Variants in TBC1D22A observed in about 807,000 individuals in gnomAD.
The protein encoded by TBC1D22A is putative GTPase activator.
A neutral mutation model predicts 60.2 loss-of-function variants in TBC1D22A; 38 were observed. The ratio of observed to expected loss-of-function variants is 0.63; its 90% CI spans 0.49 to 0.83. TBC1D22A has a LOEUF of 0.83. TBC1D22A is among the 40% of genes least tolerant of loss of function. The pLI is 0.00. For missense variants in TBC1D22A, 628 were observed against 701.0 expected (o/e 0.90, Z 1.18); for synonymous variants, 302 against 281.7 (o/e 1.07, Z -0.72).
intron 11 of TBC1D22A, among the ~76,000 whole-genome samples, chr22:47,097,359 T>C (rs1048817624): frequency 2.0e-5 from 3 of 152,206 alleles, no homozygotes; most frequent in African/African-American, 7.2e-5. Context: ...CTCATGCCTG[T>C]AATCCCAGCA....
chr22:47,163,881 G>A (rs1017067848), intron 12 of TBC1D22A, among the ~76,000 whole-genome samples: 5 of 152,218 alleles, frequency 3.3e-5, no homozygotes, highest in African/African-American at 1.2e-4. Context: ...CCAGTGGGTC[G>A]CCTGTCCCAG....
intron 1 of TBC1D22A, among the ~76,000 whole-genome samples, chr22:46,792,279 G>A (rs1046409448): frequency 3.3e-5 from 5 of 152,110 alleles, no homozygotes; most frequent in African/African-American, 1.2e-4. Context: ...CCATTCTCAG[G>A]GATGGGCTGA....
chr22:47,040,230 C>G (rs1295136285), intron 11 of TBC1D22A, among the ~76,000 whole-genome samples: 1 of 152,132 alleles, frequency 6.6e-6, no homozygotes, highest in Non-Finnish European at 1.5e-5. Flanking sequence ...CAGGTGTGAG[C>G]CACCACGCCT....
At chr22:47,052,057 G>A (rs1410822615) in intron 11 of TBC1D22A, among the ~76,000 whole-genome samples, 1 of 145,808 alleles carries the variant, frequency 6.9e-6, no homozygotes, top group Non-Finnish European at 1.5e-5. Context: ...GGCAGGGTGG[G>A]GCAGGCTCTC....
At chr22:47,001,493 A>G (rs925784550) in intron 10 of TBC1D22A, among the ~76,000 whole-genome samples, 1 of 150,680 alleles carries the variant, frequency 6.6e-6, no homozygotes, top group Admixed American at 6.6e-5. Context: ...TTTTGTGACC[A>G]GAAATATGCC....
intron 8 of TBC1D22A, among the ~76,000 whole-genome samples, chr22:46,962,390 A>G (rs1346524879): frequency 6.6e-6 from 1 of 152,230 alleles, no homozygotes; most frequent in Non-Finnish European, 1.5e-5. Flanking sequence ...GAGGTGGATG[A>G]TCTTAGGCCC....
At chr22:47,078,102 G>A (rs188923830) in intron 11 of TBC1D22A, among the ~76,000 whole-genome samples, 2 of 152,260 alleles carry the variant, frequency 1.3e-5, no homozygotes, top group African/African-American at 4.8e-5. Context: ...GCCCATCCAC[G>A]GAGTTGCTGT....
intron 11 of TBC1D22A, among the ~76,000 whole-genome samples, chr22:47,050,608 C>A (rs962687873): frequency 5.9e-5 from 9 of 152,220 alleles, no homozygotes; most frequent in Non-Finnish European, 8.8e-5. Flanking sequence ...GCCGCTTGGG[C>A]CCTGACTCTA....
intron 12 of TBC1D22A, among the ~76,000 whole-genome samples, chr22:47,121,621 C>T (rs2066273489): frequency 6.6e-6 from 1 of 151,990 alleles, no homozygotes; most frequent in African/African-American, 2.4e-5. Flanking sequence ...CACGCGTGGA[C>T]AGAAAGACCG....
intron 11 of TBC1D22A, among the ~76,000 whole-genome samples, chr22:47,049,152 T>C (rs983220720): frequency 6.6e-6 from 1 of 152,174 alleles, no homozygotes; most frequent in Non-Finnish European, 1.5e-5. Flanking sequence ...CGGGTACACG[T>C]TGTGCTCTTC....
intron 4 of TBC1D22A, among the ~76,000 whole-genome samples, chr22:46,819,552 T>A (rs1089347): frequency 1.3e-5 from 2 of 152,186 alleles, no homozygotes; most frequent in Admixed American, 1.3e-4. Flanking sequence ...TTGATTTGCA[T>A]ATGTTGAACC....
At chr22:47,064,269 G>C (rs2063683919) in intron 11 of TBC1D22A, among the ~76,000 whole-genome samples, 1 of 152,258 alleles carries the variant, frequency 6.6e-6, no homozygotes, top group Admixed American at 6.5e-5. Context: ...AGTGCAAGCT[G>C]CTCAGTTCCC....
At chr22:47,150,914 C>G (rs1304787082) in intron 12 of TBC1D22A, among the ~76,000 whole-genome samples, 1 of 152,220 alleles carries the variant, frequency 6.6e-6, no homozygotes, top group African/African-American at 2.4e-5. Context: ...AACTCTGTGG[C>G]CCTCACGTGG....
chr22:46,943,367 G>A (rs987545019), intron 8 of TBC1D22A, among the ~76,000 whole-genome samples: 5 of 152,206 alleles, frequency 3.3e-5, no homozygotes, highest in Admixed American at 6.5e-5. Flanking sequence ...TTTGCAATAT[G>A]TCTGCTTTTG....
In TBC1D22A at chr22:47,158,074, C is replaced by T. The variant is rs549410508; in HGVS notation, c.1426-15424C>T. ...CCCCACCCCTGCATCTGTGAGGGCG[C>T]GTCTCACCCAGCACCACGGCCTTCC... On this transcript the variant is annotated intron_variant, in intron 12 of 12. Coordinates refer to ENST00000337137, the MANE Select transcript of TBC1D22A (RefSeq NM_014346.5). Among the ~76,000 whole-genome samples, 214 of 152,338 alleles carry T rather than the reference C, an allele frequency of 1.4e-3. 1 individual carries two copies. In the South Asian group the frequency reaches 0.014, roughly 10 times the overall value.
At chr22:46,938,092 G>A (rs1388581797) in intron 8 of TBC1D22A, among the ~76,000 whole-genome samples, 1 of 152,204 alleles carries the variant, frequency 6.6e-6, no homozygotes, top group Non-Finnish European at 1.5e-5. Context: ...GTCTCCAGCT[G>A]TGCACTGTAA....
At chr22:47,078,230 G>T (rs2064309077) in intron 11 of TBC1D22A, among the ~76,000 whole-genome samples, 1 of 152,184 alleles carries the variant, frequency 6.6e-6, no homozygotes, top group African/African-American at 2.4e-5. Context: ...ACAGGGAGAA[G>T]CCTGCTCTCC....
In TBC1D22A at chr22:46,897,653, T is replaced by G. The variant is rs1205109683; in HGVS notation, c.900+2807T>G. ...TTGTTTCGTTTTGTTTTTTTTTGTG[T>G]TTTTTTTTTTTTTTTTAGTTCTAGG... On this transcript the variant is annotated intron_variant, in intron 7 of 12. Coordinates refer to ENST00000337137, the MANE Select transcript of TBC1D22A (RefSeq NM_014346.5). Among the ~76,000 whole-genome samples the G allele has an allele frequency of 7.6e-4, 12 of 15,826 alleles. No homozygotes were observed. In the South Asian group the frequency reaches 9.8e-3, roughly 13 times the overall value. The allele number at this position is 15,826 out of a possible 152,430, so 10.4% of individuals were successfully genotyped here.
At position 47,032,876 on chromosome 22, in the gene TBC1D22A, C is replaced by G. The variant is rs547123642; in HGVS notation, c.1202-4195C>G. ...TGAAACCAGGTGCCACCTGCCAGGC[C>G]AGGCACCTGCCCTGGAACGTTCCTT... On this transcript the variant is annotated intron_variant, in intron 10 of 12. Coordinates refer to ENST00000337137, the MANE Select transcript of TBC1D22A (RefSeq NM_014346.5). 3.0e-3 allele frequency among the ~76,000 whole-genome samples: 455 copies of G among 152,288 alleles called. 3 individuals are homozygous for G. Among genetic ancestry groups the G allele is most frequent in the African/African-American group, 0.01 (436 of 41,568 alleles).
Sources: allele counts gnomAD v4.1 joint callset (sites outside exome capture counted in the v4.1 genomes callset), GRCh38; gene constraint gnomAD v4.1.1; transcripts MANE v1.5; gene names NCBI Gene and HGNC (gene_info 2026-07-23, HGNC 2026-07-21).